AARS2: variants seen among roughly 807,000 people sequenced by gnomAD.
AARS2 encodes the protein alanine--tRNA ligase, mitochondrial.
In AARS2, 78 loss-of-function variants were observed where a neutral mutation model predicts 119.7. The ratio of observed to expected loss-of-function variants is 0.65; its 90% CI spans 0.54 to 0.79. The LOEUF (loss-of-function observed/expected upper bound fraction) is 0.79, where lower values mean the gene tolerates loss of function less well. AARS2 is among the 30% of genes least tolerant of loss of function. The probability of loss-of-function intolerance (pLI) is 0.00; values close to 1 mark genes in which losing one functional copy is unlikely to be tolerated. For missense variants in AARS2, 1,157 were observed against 1,291.3 expected (o/e 0.90, Z 1.59); for synonymous variants, 502 against 526.3 (o/e 0.95, Z 0.63).
At position 44,307,584 on chromosome 6, in the gene AARS2, T is replaced by C; in HGVS notation, c.895-190A>G. ...GGCCCTGCCCTCACGGGGCTCATAT[T>C]TGGTGCTACAAGTGAACATATCTGT... On this transcript the variant is annotated intron_variant, in intron 5 of 21. Transcript: ENST00000244571. This position sits in a 1 kb window ranked among gnomAD's most constrained non-coding sequence, Gnocchi z 4.4. 1.5e-6 allele frequency: 1 copy of C among 683,062 alleles called. No homozygotes were observed. Among genetic ancestry groups the C allele is most frequent in the East Asian group, 2.7e-5 (1 of 36,552 alleles). The allele number at this position is 683,062 out of a possible 1,614,324, so 42.3% of individuals were successfully genotyped here. A position where few individuals can be genotyped will look rare whatever the true frequency, so the allele number is the denominator to read the frequency against.
intron 2 of AARS2, 87 bp from the exon 3 acceptor site, chr6:44,311,622 C>G: frequency 6.7e-7 from 1 of 1,494,270 alleles, no homozygotes; most frequent in South Asian, 1.2e-5. Flanking sequence ...GAGTTTAGCT[C>G]CCGACTTAAG....
intron 4 of AARS2, 94 bp downstream of exon 4, chr6:44,310,900 T>A: frequency 6.7e-7 from 1 of 1,501,484 alleles, no homozygotes; most frequent in Non-Finnish European, 9.3e-7. Context: ...ACCGTTTACA[T>A]GTTTGTTTTT....
chr6:44,305,234 G>A lies in AARS2; in HGVS notation c.1435-36C>T. 3 of 1,605,570 alleles carry A rather than the reference G, an allele frequency of 1.9e-6. No individual in the cohort carries two copies. The highest frequency in any genetic ancestry group is 2.5e-6 in the Non-Finnish European group (3 of 1,179,944). The stretch of plus-strand genomic sequence containing the variant: ...GGCATGGGCATGGAAGAAGTGCATG[G>A]AGAATGAAAGAATGAAAGTGGGACT... On this transcript the variant is annotated intron_variant, in intron 10 of 21. Transcript: ENST00000244571. This position sits in a 1 kb window ranked among gnomAD's most constrained non-coding sequence, Gnocchi z 4.6.
rs111839169 is a variant in AARS2 at position 44,307,054 on chromosome 6, C to G, written c.1041-23G>C. Reference sequence around the variant, plus strand: ...AGCCTAAAGGGGTTCAGAGCCCAGACATGAATCCCCAGCGGCTCATGGTCA... The same window carrying G: ...AGCCTAAAGGGGTTCAGAGCCCAGAGATGAATCCCCAGCGGCTCATGGTCA... On this transcript the variant is annotated intron_variant, in intron 6 of 21. Transcript: ENST00000244571. This position sits in a 1 kb window ranked among gnomAD's most constrained non-coding sequence, Gnocchi z 4.4. 2.9e-3 allele frequency: 4,722 copies of G among 1,612,248 alleles called. 113 individuals carry two copies. In the African/African-American group the frequency reaches 0.055, roughly 19 times the overall value.
chr6:44,300,629 A>G lies in AARS2; in HGVS notation c.2876T>C (p.Val959Ala). Residue 959 changes from valine (V) to alanine (A), a missense_variant, in exon 22 of 22, where the codon GTG (valine) becomes GCG (alanine). Physicochemically the swap from Val to Ala is moderately conservative, Grantham distance 64 (BLOSUM62 0). Coordinates refer to ENST00000244571, the MANE Select transcript of AARS2 (RefSeq NM_020745.4). ...AGTGCTTCCGGTGCCTTGGGCCACC[A>G]CTCGTGAGCCCCACGCCTTGCCCCC... The part of the protein sequence containing the change: ...HMGGKAWGSR[V>A]VAQGTGSTTD... 1.9e-6 allele frequency: 3 copies of G among 1,613,950 alleles called. No individual in the cohort carries two copies. The highest frequency in any genetic ancestry group is 2.5e-6 in the Non-Finnish European group (3 of 1,180,008).
At chr6:44,308,877 C>A (rs1786101132) in intron 5 of AARS2, among the ~76,000 whole-genome samples, 1 of 152,150 alleles carries the variant, frequency 6.6e-6, no homozygotes, top group African/African-American at 2.4e-5. Context: ...GCTGGGATTA[C>A]AGGAGTGAGC....
chr6:44,312,287 G>C lies in AARS2; in HGVS notation c.244-24C>G, dbSNP rs369350717. The stretch of plus-strand genomic sequence containing the variant: ...AACTGGAAGCACATAGAGTGGGGAG[G>C]GGGAGAGGGATATCCAATTTCTCAG... On this transcript the variant is annotated intron_variant, in intron 1 of 21. Transcript: ENST00000244571. 13 of 1,609,662 alleles carry C rather than the reference G, an allele frequency of 8.1e-6. No individual in the cohort carries two copies. The East Asian group carries it at 1.3e-4, about 17-fold the overall frequency.
At chr6:44,300,990 G>T in intron 21 of AARS2, 166 bp downstream of exon 21, 2 of 752,504 alleles carry the variant, frequency 2.7e-6, no homozygotes, top group Non-Finnish European at 4.3e-6. Context: ...GTGGGGAGGG[G>T]CTGTTTTCAG....
chr6:44,299,074 C>T lies in AARS2; in HGVS notation c.*1473G>A, dbSNP rs116579451. 1.7e-4 allele frequency among the ~76,000 whole-genome samples: 26 copies of T among 152,094 alleles called. No homozygotes were observed. The highest frequency in any genetic ancestry group is 4.6e-4 in the African/African-American group (19 of 41,410). ...CTGCTCAGTGGCACTGGCCACCTCA[C>T]GGCCTCTGCATTGGCTGTTCCCTCA... On this transcript the variant is annotated 3_prime_UTR_variant, in exon 22 of 22. Transcript: ENST00000244571.
chr6:44,310,500 G>T, intron 4 of AARS2, 57 bp from the exon 5 acceptor site: 2 of 1,604,486 alleles, frequency 1.2e-6, no homozygotes, highest in Non-Finnish European at 1.7e-6. Flanking sequence ...GTGTGAGACA[G>T]ATGCCCAAGT....
Position 44,306,518 on chromosome 6 carries a change from T to C in AARS2, c.1164A>G (p.Pro388=). Residue 388 remains proline (P), a synonymous_variant, in exon 8 of 22, where the codon CCA becomes CCG. Transcript: ENST00000244571. ...VVVETLGDAY[P]ELQRNSAQIA... ...CCTGGGCTGAGTTCCTTTGCAGTTC[T>C]GGATAAGCATCTCCCTGGGGGAGGT... 6.2e-7 allele frequency: 1 copy of C among 1,614,162 alleles called. No individual in the cohort carries two copies. Among genetic ancestry groups the C allele is most frequent in the South Asian group, 1.1e-5 (1 of 91,086 alleles).
Position 44,302,845 on chromosome 6 carries a change from C to T in AARS2, c.2321G>A (p.Gly774Asp). 1.2e-6 allele frequency: 2 copies of T among 1,614,074 alleles called. No homozygotes were observed. The highest frequency in any genetic ancestry group is 1.7e-6 in the Non-Finnish European group (2 of 1,180,030). ...VIIGDRQLSK[G>D]TTRLLAVTGE... ...AGTGACGGCCAGCAGGCGGGTAGTG[C>T]CCTTGGAAAGCTGGCGGTCCCCGAT... The change falls in exon 17 of 22, where the codon GGC becomes GAC. Residue 774 changes from glycine (G) to aspartate (D), a missense_variant. By Grantham distance (94) the Gly-to-Asp change is moderately conservative. Coordinates refer to ENST00000244571, the MANE Select transcript of AARS2 (RefSeq NM_020745.4).
rs1761774510 is a variant in AARS2 at position 44,300,606 on chromosome 6, T to C, written c.2899A>G (p.Thr967Ala). The change falls in exon 22 of 22, where the codon ACT (threonine) becomes GCT (alanine). Residue 967 changes from threonine to alanine, a missense_variant. Transcript: ENST00000244571. ...CTGAGGGCAGCTTCCAGGTCAGTAG[T>C]GCTTCCGGTGCCTTGGGCCACCACT... The part of the protein sequence containing the change: ...SRVVAQGTGS[T>A]TDLEAALSIA... 6.2e-7 allele frequency: 1 copy of C among 1,614,062 alleles called. No homozygotes were observed. The highest frequency in any genetic ancestry group is 1.7e-5 in the Admixed American group (1 of 60,034).
rs1583055571 is a variant in AARS2, at chr6:44,306,323, A to G, written c.1257T>C (p.Ile419=). The G allele has an allele frequency of 6.2e-7, 1 of 1,614,116 alleles. No homozygotes were observed. Among genetic ancestry groups the G allele is most frequent in the Middle Eastern group, 1.6e-4 (1 of 6,062 alleles). Reference sequence around the variant, plus strand: ...GCCCCAGGGTCCTCAGAGTCCGATCAATGATCCGCCTACCCCGCTCCAGGG... The same window carrying G: ...GCCCCAGGGTCCTCAGAGTCCGATCGATGATCCGCCTACCCCGCTCCAGGG... The part of the protein sequence containing the change: ...LASLERGRRI[I]DRTLRTLGPS... Residue 419 remains isoleucine, a synonymous_variant, in exon 9 of 22, where the codon ATT becomes ATC. Coordinates refer to ENST00000244571, the MANE Select transcript of AARS2 (RefSeq NM_020745.4).
intron 19 of AARS2, 24 bp downstream of exon 19, chr6:44,302,036 G>A (rs202126079): frequency 3.7e-6 from 6 of 1,610,904 alleles, no homozygotes; most frequent in Admixed American, 1.7e-5. Context: ...CTGGGCACAT[G>A]GGTGCAGCCA....
rs1189964008 is a variant in AARS2, at chr6:44,302,323, G to T, written c.2487+68C>A. The T allele has an allele frequency of 1.9e-6, 3 of 1,613,218 alleles. No individual in the cohort carries two copies. In the African/African-American group the frequency reaches 4.0e-5, roughly 22 times the overall value. On this transcript the variant is annotated intron_variant, in intron 18 of 21. Transcript: ENST00000244571. Reference sequence around the variant, plus strand: ...ATTGGAGTGCTAGGGAGAGTCTGAAGGAGTCCAGGGAGGAATAGGGGAGGT... The same window carrying T: ...ATTGGAGTGCTAGGGAGAGTCTGAATGAGTCCAGGGAGGAATAGGGGAGGT...
rs1561935218 is a variant in AARS2, at chr6:44,299,717, GAAGT to G, written c.*826_*829del. On this transcript the variant is annotated 3_prime_UTR_variant, in exon 22 of 22. Coordinates refer to ENST00000244571, the MANE Select transcript of AARS2 (RefSeq NM_020745.4). ...AAATTAGAGGTCATTGTTAATGAAAGAAGTAATAGCAAAGAAGGTCTCCAGTGCT... is the reference window on the plus strand; with the variant it reads ...AAATTAGAGGTCATTGTTAATGAAAGAATAGCAAAGAAGGTCTCCAGTGCT... The G allele has an allele frequency of 2.6e-5, 4 of 152,198 alleles. No individual in the cohort carries two copies. 9.4% of individuals were successfully genotyped at this position (152,198 alleles called of 1,614,324 possible).
At chr6:44,302,362 G>A in intron 18 of AARS2, 29 bp downstream of exon 18, 7 of 1,613,986 alleles carry the variant, frequency 4.3e-6, no homozygotes, top group Non-Finnish European at 5.9e-6. Context: ...AGGGCTAGGA[G>A]AGGGTGGGGT....
intron 14 of AARS2, 39 bp from the exon 15 acceptor site, chr6:44,303,462 G>T (rs775638285): frequency 1.2e-6 from 2 of 1,613,538 alleles, no homozygotes; most frequent in Non-Finnish European, 1.7e-6. Flanking sequence ...CCAACATGCA[G>T]TCAGCCCCAC....
Sources: allele counts gnomAD v4.1 joint callset (sites outside exome capture counted in the v4.1 genomes callset), GRCh38; gene constraint gnomAD v4.1.1; non-coding constraint Gnocchi (gnomAD v3.1); transcripts MANE v1.5; gene names NCBI Gene and HGNC (gene_info 2026-07-23, HGNC 2026-07-21).